The following GRID2 variants were observed in gnomAD, a reference collection of about 807,000 sequenced individuals.
GRID2 encodes the protein glutamate ionotropic receptor delta type subunit 2.
GRID2 carries 33 observed loss-of-function variants against 114.8 expected under a neutral mutation model. The ratio of observed to expected loss-of-function variants is 0.29; its 90% CI spans 0.22 to 0.38. The LOEUF (loss-of-function observed/expected upper bound fraction) is 0.38. GRID2 is among the 10% of genes least tolerant of loss of function. GRID2 has a pLI of 1.00. For synonymous variants in GRID2, 505 were observed against 449.9 expected, an observed-to-expected ratio of 1.12 and a Z score of -1.55; for missense variants, 1,184 against 1,257.7, an observed-to-expected ratio of 0.94 and a Z score of 0.89.
chr4:93,348,736 G>GT (rs1281905179), intron 8 of GRID2, among the ~76,000 whole-genome samples: 10 of 152,204 alleles, frequency 6.6e-5, no homozygotes, highest in African/African-American at 2.4e-4. Flanking sequence ...CATATTCTGG[G>GT]TATATATCAG....
intron 9 of GRID2, among the ~76,000 whole-genome samples, chr4:93,422,086 G>A (rs1176374669): frequency 6.6e-6 from 1 of 152,118 alleles, no homozygotes; most frequent in Non-Finnish European, 1.5e-5. Context: ...GAAGTGAAAG[G>A]GGCCTATTTG....
chr4:92,779,860 T>G (rs1738987155), intron 2 of GRID2, among the ~76,000 whole-genome samples: 1 of 152,176 alleles, frequency 6.6e-6, no homozygotes, highest in Admixed American at 6.6e-5. Flanking sequence ...GCTTTGTTAT[T>G]ATTTTTGCTT....
chr4:92,901,325 G>C (rs28813669), intron 2 of GRID2, among the ~76,000 whole-genome samples: 3 of 152,144 alleles, frequency 2.0e-5, no homozygotes, highest in African/African-American at 7.2e-5. Context: ...CAGATGGTAA[G>C]TGGTGCTGAG....
Position 92,830,533 on chromosome 4 carries a change from C to T in GRID2, c.244+240247C>T, listed in dbSNP as rs1038871237. Among the ~76,000 whole-genome samples, 71 of 151,990 alleles carry T rather than the reference C, an allele frequency of 4.7e-4. 1 individual carries two copies. Among genetic ancestry groups the T allele is most frequent in the Non-Finnish European group, 1.3e-4 (9 of 67,998 alleles). On this transcript the variant is annotated intron_variant, in intron 2 of 15. Coordinates refer to ENST00000282020, the MANE Select transcript of GRID2 (RefSeq NM_001510.4). ...GAATAATTTTCCTTATTTAAGCATA[C>T]TATTATTATTATTTTAGTACTAATA...
At chr4:92,776,147 C>T (rs115885988) in intron 2 of GRID2, among the ~76,000 whole-genome samples, 2,845 of 152,086 alleles carry the variant, frequency 0.019, 98 homozygotes, top group African/African-American at 0.064. Context: ...AATCTTTCAT[C>T]GCTATAAACT....
At chr4:92,793,423 A>ATT (rs1739688457) in intron 2 of GRID2, among the ~76,000 whole-genome samples, 1 of 151,744 alleles carries the variant, frequency 6.6e-6, no homozygotes, top group Non-Finnish European at 1.5e-5. Context: ...GGAGAAGATC[A>ATT]GGAAAAATAA....
chr4:92,749,310 C>CTTTTT (rs68069370), intron 2 of GRID2, among the ~76,000 whole-genome samples: 6 of 72,028 alleles, frequency 8.3e-5, no homozygotes, highest in African/African-American at 2.0e-4. Flanking sequence ...TGATTTGTAG[C>CTTTTT]TTTTTTTTTT....
chr4:93,408,373 T>C (rs1013512440), intron 9 of GRID2, among the ~76,000 whole-genome samples: 3 of 50,398 alleles, frequency 6.0e-5, no homozygotes, highest in African/African-American at 1.3e-4. Flanking sequence ...CTCATTTTCT[T>C]TTTTTTTTTA....
At chr4:93,437,365 C>A (rs1196291474) in intron 10 of GRID2, among the ~76,000 whole-genome samples, 1 of 148,040 alleles carries the variant, frequency 6.8e-6, no homozygotes, top group Non-Finnish European at 1.5e-5. Context: ...AAGTGCTTAA[C>A]TCCTTTACCA....
intron 8 of GRID2, among the ~76,000 whole-genome samples, chr4:93,270,638 T>G (rs1033784023): frequency 1.0e-4 from 15 of 149,282 alleles, no homozygotes; most frequent in Admixed American, 4.6e-4. Context: ...TTTTGTTTTG[T>G]TTTTTTTTGA....
At chr4:93,736,393 A>G (rs888850206) in intron 14 of GRID2, among the ~76,000 whole-genome samples, 1 of 152,058 alleles carries the variant, frequency 6.6e-6, no homozygotes, top group African/African-American at 2.4e-5. Flanking sequence ...TTACAAGACA[A>G]GAAATTGGAC....
chr4:93,006,734 TTC>T (rs1691534656), intron 2 of GRID2, among the ~76,000 whole-genome samples: 1 of 151,816 alleles, frequency 6.6e-6, no homozygotes, highest in Non-Finnish European at 1.5e-5. Flanking sequence ...CAATAAAATT[TTC>T]TCTGACCTTC....
intron 14 of GRID2, among the ~76,000 whole-genome samples, chr4:93,682,177 A>G (rs879290621): frequency 0.03 from 4,522 of 150,826 alleles, 103 homozygotes; most frequent in African/African-American, 0.061. Context: ...GACACATGAA[A>G]AAATGCTCAT....
rs538203292 is a variant in GRID2 at position 92,742,232 on chromosome 4, C to T, written c.244+151946C>T. ...AGAATTTTAAAATTAATTGAAAACT[C>T]TCCTGTTAGTAAATTAAAGCATTTA... On this transcript the variant is annotated intron_variant, in intron 2 of 15. Transcript: ENST00000282020. 7.2e-5 allele frequency among the ~76,000 whole-genome samples: 11 copies of T among 152,250 alleles called. No homozygotes were observed. The East Asian group carries it at 2.1e-3, about 29-fold the overall frequency.
intron 1 of GRID2, among the ~76,000 whole-genome samples, chr4:92,362,411 CA>C (rs997649082): frequency 6.6e-6 from 1 of 151,924 alleles, no homozygotes; most frequent in African/African-American, 2.4e-5. Context: ...TGGCTTAAAA[CA>C]AGCTCTGTTT....
intron 14 of GRID2, among the ~76,000 whole-genome samples, chr4:93,724,408 T>C (rs917743979): frequency 9.2e-5 from 14 of 152,216 alleles, no homozygotes; most frequent in Admixed American, 6.5e-4. Flanking sequence ...TAGTTACTTA[T>C]TATGCTTTTA....
chr4:92,958,933 AG>A (rs1374776132), intron 2 of GRID2, among the ~76,000 whole-genome samples: 2 of 151,912 alleles, frequency 1.3e-5, no homozygotes, highest in Non-Finnish European at 2.9e-5. Context: ...TGTTTCAACT[AG>A]GTTATCAAAT....
At chr4:92,804,479 G>T in intron 2 of GRID2, among the ~76,000 whole-genome samples, 1 of 151,600 alleles carries the variant, frequency 6.6e-6, no homozygotes, top group East Asian at 2.0e-4. Flanking sequence ...GTCTAGTTTG[G>T]TTATAAGTAA....
intron 2 of GRID2, among the ~76,000 whole-genome samples, chr4:92,606,186 A>G (rs1385877244): frequency 6.6e-6 from 1 of 152,088 alleles, no homozygotes; most frequent in African/African-American, 2.4e-5. Flanking sequence ...GTACACTTGT[A>G]CAAAAGAGCC....
Sources: allele counts gnomAD v4.1 joint callset (sites outside exome capture counted in the v4.1 genomes callset), GRCh38; gene constraint gnomAD v4.1.1; transcripts MANE v1.5; gene names NCBI Gene and HGNC (gene_info 2026-07-23, HGNC 2026-07-21).